SDK1: variants seen among roughly 807,000 people sequenced by gnomAD.
The protein encoded by SDK1 is sidekick cell adhesion molecule 1, also known as protein sidekick-1.
SDK1 carries 157 observed loss-of-function variants against 245.5 expected under a neutral mutation model. The observed-to-expected ratio is 0.64, with a 90% CI of 0.56 to 0.73. The LOEUF (loss-of-function observed/expected upper bound fraction) is 0.73. Among genes scored for constraint, SDK1 ranks in the 30% least tolerant of loss-of-function variants. The pLI is 0.00. For synonymous variants in SDK1, 1,647 were observed against 1,278.5 expected, an observed-to-expected ratio of 1.29 and a Z score of -6.15; for missense variants, 3,583 against 3,002.3, an observed-to-expected ratio of 1.19 and a Z score of -4.52.
At chr7:4,010,922 A>G (rs772894099) in intron 14 of SDK1, 44 bp from the exon 15 acceptor site, 3 of 1,605,422 alleles carry the variant, frequency 1.9e-6, no homozygotes, top group Non-Finnish European at 2.6e-6. Flanking sequence ...TTATTCAGAC[A>G]TGATAAGCCT....
intron 1 of SDK1, among the ~76,000 whole-genome samples, chr7:3,389,326 G>C: frequency 6.6e-6 from 1 of 152,148 alleles, no homozygotes; most frequent in East Asian, 1.9e-4. Flanking sequence ...ACAATTACAA[G>C]TGACCTTATA....
intron 1 of SDK1, among the ~76,000 whole-genome samples, chr7:3,615,833 C>T (rs1185027680): frequency 6.9e-6 from 1 of 144,068 alleles, no homozygotes; most frequent in African/African-American, 2.4e-5. Context: ...CCAGAATGTT[C>T]TTTTAACAAC....
rs1458515165 is a variant in SDK1 at position 4,268,053 on chromosome 7, TA to T, written c.*2674del. The T allele has an allele frequency of 1.0e-6, 1 of 985,326 alleles. No homozygotes were observed. The highest frequency in any genetic ancestry group is 1.2e-6 in the Non-Finnish European group (1 of 829,918). 61.0% of individuals were successfully genotyped at this position (985,326 alleles called of 1,614,324 possible). ...GGAGGTTGGATTTTAATCTCGGTTTTAAAAAGAGGACAAACAAAATGTCTCT... is the reference window on the plus strand; with the variant it reads ...GGAGGTTGGATTTTAATCTCGGTTTTAAAAGAGGACAAACAAAATGTCTCT... On this transcript the variant is annotated 3_prime_UTR_variant, in exon 45 of 45. Transcript: ENST00000404826.
At chr7:4,036,929 A>G (rs1350454646) in intron 17 of SDK1, among the ~76,000 whole-genome samples, 1 of 152,206 alleles carries the variant, frequency 6.6e-6, no homozygotes, top group Non-Finnish European at 1.5e-5. Context: ...TATACTTTTC[A>G]CAGGTTCTTG....
intron 4 of SDK1, among the ~76,000 whole-genome samples, chr7:3,778,342 A>G (rs1392288548): frequency 1.3e-5 from 2 of 152,252 alleles, no homozygotes; most frequent in East Asian, 3.8e-4. Context: ...AAATGCCCTC[A>G]TGGCTTAGAT....
chr7:3,516,039 C>T (rs987526168), intron 1 of SDK1, among the ~76,000 whole-genome samples: 1 of 151,200 alleles, frequency 6.6e-6, no homozygotes, highest in Non-Finnish European at 1.5e-5. Context: ...AGTGTTAAAT[C>T]TTCAATGCAT....
chr7:3,892,923 G>C (rs1020061313), intron 5 of SDK1, among the ~76,000 whole-genome samples: 1 of 152,170 alleles, frequency 6.6e-6, no homozygotes, highest in African/African-American at 2.4e-5. Flanking sequence ...CGAGGATGCC[G>C]TTCTGATCTC....
intron 28 of SDK1, among the ~76,000 whole-genome samples, chr7:4,143,288 T>A (rs1055422518): frequency 2.6e-4 from 40 of 152,266 alleles, no homozygotes; most frequent in African/African-American, 9.4e-4. Context: ...AACTCTGTGG[T>A]CATACCGGCC....
intron 4 of SDK1, among the ~76,000 whole-genome samples, chr7:3,750,161 C>T (rs1779734676): frequency 2.0e-5 from 3 of 152,178 alleles, no homozygotes; most frequent in African/African-American, 4.8e-5. Flanking sequence ...ATCACTTCTT[C>T]GTATTTGTTT....
intron 5 of SDK1, among the ~76,000 whole-genome samples, chr7:3,887,096 C>G (rs969304210): frequency 6.6e-6 from 1 of 152,150 alleles, no homozygotes; most frequent in African/African-American, 2.4e-5. Flanking sequence ...ACTCGGTAAT[C>G]TCAGTGGTTT....
At chr7:3,483,288 T>G (rs1381319518) in intron 1 of SDK1, among the ~76,000 whole-genome samples, 1 of 152,220 alleles carries the variant, frequency 6.6e-6, no homozygotes, top group Admixed American at 6.5e-5. Context: ...TCAAGTTTTA[T>G]AGTTGTCTTC....
At chr7:4,237,841 C>A (rs547105744) in intron 42 of SDK1, 57 bp downstream of exon 42, 4 of 1,593,512 alleles carry the variant, frequency 2.5e-6, no homozygotes, top group African/African-American at 1.3e-5. Context: ...CAAAACATAG[C>A]GTTCGTTCTC....
At chr7:3,931,566 G>A (rs1301875796) in intron 5 of SDK1, among the ~76,000 whole-genome samples, 1 of 152,140 alleles carries the variant, frequency 6.6e-6, no homozygotes, top group Non-Finnish European at 1.5e-5. Flanking sequence ...GAATAATTTT[G>A]CGGGAAATCC....
At chr7:3,703,541 G>C (rs890208601) in intron 4 of SDK1, among the ~76,000 whole-genome samples, 4 of 152,054 alleles carry the variant, frequency 2.6e-5, no homozygotes, top group Non-Finnish European at 5.9e-5. Context: ...CTGTAGTGGT[G>C]GTGAAGTCAG....
chr7:3,685,880 T>A (rs1039745779), intron 4 of SDK1, among the ~76,000 whole-genome samples: 1 of 152,024 alleles, frequency 6.6e-6, no homozygotes, highest in East Asian at 1.9e-4. Context: ...AATAATAAAA[T>A]GGCACGTTTA....
chr7:3,951,544 C>T (rs886494715), intron 6 of SDK1, among the ~76,000 whole-genome samples, 186 bp from the exon 7 acceptor site: 5 of 152,214 alleles, frequency 3.3e-5, no homozygotes, highest in African/African-American at 1.2e-4. Flanking sequence ...GAGCAGAATG[C>T]ATCGTCAATG....
At chr7:3,325,663 T>C (rs928158541) in intron 1 of SDK1, among the ~76,000 whole-genome samples, 1 of 152,170 alleles carries the variant, frequency 6.6e-6, no homozygotes, top group African/African-American at 2.4e-5. Flanking sequence ...CAGCTTCCTG[T>C]GTAAAATTAT....
At chr7:3,306,154 T>C (rs1338066797) in intron 1 of SDK1, among the ~76,000 whole-genome samples, 1 of 152,222 alleles carries the variant, frequency 6.6e-6, no homozygotes, top group Non-Finnish European at 1.5e-5. Flanking sequence ...AAAAACAGTA[T>C]TGAGTAATCT....
chr7:3,415,806 A>G lies in SDK1; in HGVS notation c.298+113922A>G, dbSNP rs566525539. On this transcript the variant is annotated intron_variant, in intron 1 of 44. Transcript: ENST00000404826. Reference sequence around the variant, plus strand: ...AGTAGGGACTATGTTTTCTTCACCAATTTCCATTGCCTAGCACTTAAGTGT... The same window carrying G: ...AGTAGGGACTATGTTTTCTTCACCAGTTTCCATTGCCTAGCACTTAAGTGT... 5.3e-5 allele frequency among the ~76,000 whole-genome samples: 8 copies of G among 152,042 alleles called. No individual in the cohort carries two copies. In the South Asian group the frequency reaches 8.3e-4, roughly 16 times the overall value.
Sources: allele counts gnomAD v4.1 joint callset (sites outside exome capture counted in the v4.1 genomes callset), GRCh38; gene constraint gnomAD v4.1.1; transcripts MANE v1.5; gene names NCBI Gene and HGNC (gene_info 2026-07-23, HGNC 2026-07-21).